The following CDH18 variants were observed in gnomAD, a reference collection of about 807,000 sequenced individuals.
CDH18 encodes the protein cadherin 18, also known as cadherin-18.
A neutral mutation model predicts 67.9 loss-of-function variants in CDH18; 31 were observed. That is an observed-to-expected ratio of 0.46 (90% CI 0.34 to 0.62). The LOEUF is 0.62. Ranked by LOEUF, CDH18 falls within the 20% of genes least tolerant of loss-of-function variation. CDH18 has a pLI of 0.01. For missense variants in CDH18, 890 were observed against 975.5 expected (o/e 0.91, Z 1.17); for synonymous variants, 362 against 347.2 (o/e 1.04, Z -0.48).
chr5:19,625,894 C>T (rs144885650), intron 5 of CDH18, among the ~76,000 whole-genome samples: 1 of 152,204 alleles, frequency 6.6e-6, no homozygotes, highest in African/African-American at 2.4e-5. Context: ...AGGACTCAGG[C>T]CTTGAAGAGA....
chr5:19,680,765 T>C (rs1760181855), intron 5 of CDH18, among the ~76,000 whole-genome samples: 1 of 151,798 alleles, frequency 6.6e-6, no homozygotes, highest in Non-Finnish European at 1.5e-5. Flanking sequence ...TCTAAAAATA[T>C]GCTGGTGAGG....
Position 19,956,024 on chromosome 5 carries a change from G to C in CDH18, c.-257+25036C>G, listed in dbSNP as rs142942416. Among the ~76,000 whole-genome samples, 236 of 152,042 alleles carry C rather than the reference G, an allele frequency of 1.6e-3. 2 individuals are homozygous for C. The highest frequency in any genetic ancestry group is 2.3e-3 in the Non-Finnish European group (153 of 67,908). The stretch of plus-strand genomic sequence containing the variant: ...AAATTATGAACATATGGAATAAGGG[G>C]CTACCTTAGAACAACATGATATTTT... On this transcript the variant is annotated intron_variant, in intron 2 of 12. Transcript: ENST00000382275.
intron 5 of CDH18, among the ~76,000 whole-genome samples, chr5:19,698,524 C>G (rs1029530007): frequency 6.6e-6 from 1 of 151,854 alleles, no homozygotes; most frequent in African/African-American, 2.4e-5. Context: ...ATCTCTAAAA[C>G]AGCTATGTGT....
chr5:19,742,860 T>G (rs1353261118), intron 4 of CDH18, among the ~76,000 whole-genome samples: 1 of 152,122 alleles, frequency 6.6e-6, no homozygotes, highest in Non-Finnish European at 1.5e-5. Context: ...TCAGGCCCCA[T>G]ACGTTGATAA....
chr5:20,457,097 A>G (rs1750887528), intron 1 of CDH18, among the ~76,000 whole-genome samples: 1 of 152,182 alleles, frequency 6.6e-6, no homozygotes, highest in Admixed American at 6.5e-5. Flanking sequence ...CAGATTTCAG[A>G]CTTGGAAAAT....
intron 2 of CDH18, among the ~76,000 whole-genome samples, chr5:19,861,370 G>A (rs1035281948): frequency 2.0e-5 from 3 of 152,048 alleles, no homozygotes; most frequent in Non-Finnish European, 2.9e-5. Flanking sequence ...CCCAGGAGCC[G>A]GGAGGAGGCT....
At chr5:19,958,265 A>G (rs1402783400) in intron 2 of CDH18, among the ~76,000 whole-genome samples, 1 of 151,384 alleles carries the variant, frequency 6.6e-6, no homozygotes, top group East Asian at 1.9e-4. Context: ...CCATGTTGCG[A>G]TGCCCAATAA....
intron 8 of CDH18, among the ~76,000 whole-genome samples, chr5:19,553,679 C>T (rs1214404267): frequency 1.5e-5 from 2 of 134,484 alleles, no homozygotes; most frequent in African/African-American, 2.9e-5. Flanking sequence ...ATTGCTCTGT[C>T]ACCCAGTCTG....
intron 5 of CDH18, among the ~76,000 whole-genome samples, chr5:19,683,966 C>A (rs1037766108): frequency 9.2e-5 from 14 of 152,116 alleles, no homozygotes; most frequent in African/African-American, 3.4e-4. Context: ...TAGGAACTGG[C>A]ACATAATGAA....
intron 2 of CDH18, among the ~76,000 whole-genome samples, chr5:19,905,177 T>A (rs1790399762): frequency 6.6e-6 from 1 of 152,144 alleles, no homozygotes; most frequent in Non-Finnish European, 1.5e-5. Flanking sequence ...TTGGAAACTG[T>A]TTCCCAAAGA....
chr5:20,218,529 T>A (rs1400101765), intron 2 of CDH18, among the ~76,000 whole-genome samples: 1 of 151,970 alleles, frequency 6.6e-6, no homozygotes, highest in Non-Finnish European at 1.5e-5. Flanking sequence ...GTTGATATGC[T>A]TTTGCTGTGT....
rs542564148 is a variant in CDH18 at position 20,161,714 on chromosome 5, GT to G, written c.-518+93729del. Among the ~76,000 whole-genome samples the G allele has an allele frequency of 2.8e-4, 43 of 152,072 alleles. 1 individual carries two copies. Among genetic ancestry groups the G allele is most frequent in the South Asian group, 8.3e-4 (4 of 4,826 alleles). Reference sequence around the variant, plus strand: ...CTCATTTATGTTGTCTTATTTCCTTGTGTGTTTTGTGATTTTAACTGTGAGC... The same window carrying G: ...CTCATTTATGTTGTCTTATTTCCTTGGTGTTTTGTGATTTTAACTGTGAGC... On this transcript the variant is annotated intron_variant, in intron 2 of 14. Coordinates refer to the CDH18 transcript ENST00000507958.
chr5:19,745,639 C>T (rs1252748673), intron 4 of CDH18, among the ~76,000 whole-genome samples: 1 of 152,262 alleles, frequency 6.6e-6, no homozygotes, highest in South Asian at 2.1e-4. Context: ...AATTCTCCCT[C>T]GACTCTCCTT....
At chr5:19,679,201 A>G (rs1392240473) in intron 5 of CDH18, among the ~76,000 whole-genome samples, 1 of 151,998 alleles carries the variant, frequency 6.6e-6, no homozygotes, top group Admixed American at 6.6e-5. Flanking sequence ...AAAGCAAAAA[A>G]CCACATGATC....
At chr5:20,533,620 T>A (rs1009304696) in intron 1 of CDH18, among the ~76,000 whole-genome samples, 13 of 152,144 alleles carry the variant, frequency 8.5e-5, no homozygotes, top group Non-Finnish European at 1.6e-4. Flanking sequence ...CTTCTGTTTC[T>A]GTTTATAAAG....
At chr5:20,554,630 TCTCA>T (rs1482968199) in intron 1 of CDH18, among the ~76,000 whole-genome samples, 3 of 152,218 alleles carry the variant, frequency 2.0e-5, no homozygotes, top group Non-Finnish European at 4.4e-5. Context: ...CAATAGTTTC[TCTCA>T]CTCCATGTGC....
intron 1 of CDH18, among the ~76,000 whole-genome samples, chr5:20,260,415 G>A (rs1046479715): frequency 1.3e-5 from 2 of 151,948 alleles, no homozygotes; most frequent in Admixed American, 6.6e-5. Context: ...GAATTACACT[G>A]AGGCCTCTTA....
At chr5:20,569,516 CAGG>C (rs2126668295) in intron 1 of CDH18, among the ~76,000 whole-genome samples, 1 of 152,186 alleles carries the variant, frequency 6.6e-6, no homozygotes, top group Admixed American at 6.5e-5. Flanking sequence ...GAGGCTGAGG[CAGG>C]AGAATTGCTT....
At chr5:20,417,675 A>C (rs1046054618) in intron 1 of CDH18, among the ~76,000 whole-genome samples, 1 of 152,176 alleles carries the variant, frequency 6.6e-6, no homozygotes, top group Non-Finnish European at 1.5e-5. Context: ...GTTAGAGAAG[A>C]CAGCTAAGCA....
Sources: gnomAD v4.1 joint callset for allele counts (sites outside exome capture counted in the v4.1 genomes callset) on GRCh38, gnomAD v4.1.1 for gene constraint, MANE v1.5 for transcripts, NCBI Gene and HGNC (gene_info 2026-07-23, HGNC 2026-07-21) for gene names.